Variants in BEGAIN observed in about 807,000 individuals in gnomAD.
BEGAIN encodes brain enriched guanylate kinase associated.
A neutral mutation model predicts 35.8 loss-of-function variants in BEGAIN; 19 were observed. The observed-to-expected ratio is 0.53, with a 90% CI of 0.37 to 0.78. The LOEUF is 0.78. Ranked by LOEUF, BEGAIN falls within the 30% of genes least tolerant of loss-of-function variation. The probability of loss-of-function intolerance (pLI) is 0.00; values close to 1 mark genes in which losing one functional copy is unlikely to be tolerated. For missense variants in BEGAIN, 795 were observed against 853.6 expected (o/e 0.93, Z 0.85); for synonymous variants, 462 against 388.6 (o/e 1.19, Z -2.22).
rs1011692720 is a variant in BEGAIN, at chr14:100,563,144, C to T, written c.71+4767G>A. 1.3e-5 allele frequency among the ~76,000 whole-genome samples: 2 copies of T among 152,214 alleles called. No individual in the cohort carries two copies. Among genetic ancestry groups the T allele is most frequent in the Non-Finnish European group, 2.9e-5 (2 of 68,038 alleles). On this transcript the variant is annotated intron_variant, in intron 2 of 6. Coordinates refer to ENST00000554140, the MANE Select transcript of BEGAIN (RefSeq NM_001385089.1). The surrounding 1 kb of genome is among the most constrained non-coding windows in gnomAD (Gnocchi z 4.2). ...CTGGCACTTCTGCAGAGTGTCTCAG[C>T]CTGGACAAGTGTCCGACATGGACAG...
chr14:100,568,490 G>C lies in BEGAIN; in HGVS notation c.43-551C>G. The stretch of plus-strand genomic sequence containing the variant: ...TTTGGAGCCTCGACTCCTCAATCAG[G>C]GACCCGCTGCCCTCAGATTCTGGGG... On this transcript the variant is annotated intron_variant, in intron 1 of 6. Coordinates refer to ENST00000554140, the MANE Select transcript of BEGAIN (RefSeq NM_001385089.1). The surrounding 1 kb of genome is among the most constrained non-coding windows in gnomAD (Gnocchi z 7.5). 7.8e-7 allele frequency: 1 copy of C among 1,286,312 alleles called. No homozygotes were observed. The highest frequency in any genetic ancestry group is 2.3e-5 in the Admixed American group (1 of 43,248). 79.7% of individuals were successfully genotyped at this position (1,286,312 alleles called of 1,614,324 possible).
chr14:100,544,525 A>G (rs1566962895), intron 4 of BEGAIN, among the ~76,000 whole-genome samples: 1 of 152,120 alleles, frequency 6.6e-6, no homozygotes, highest in Non-Finnish European at 1.5e-5. Context: ...CCTCTTCGAC[A>G]TGTCCCAGCA....
Position 100,537,978 on chromosome 14 carries a change from C to T in BEGAIN, c.1830G>A (p.Leu610=). ...GCCTGCACGCAGGCGCTCAGTTGAG[C>T]AAGGTTCCGTAGAGCTGGGCCTTGG... ...SLTKAQLYGT[L]LN Residue 610 remains leucine (L), a synonymous_variant, in exon 7 of 7, where the codon TTG becomes TTA. Coordinates refer to ENST00000554140, the MANE Select transcript of BEGAIN (RefSeq NM_001385089.1). The T allele has an allele frequency of 6.2e-7, 1 of 1,607,934 alleles. No individual in the cohort carries two copies. The highest frequency in any genetic ancestry group is 1.3e-5 in the African/African-American group (1 of 74,680).
chr14:100,567,956 G>C lies in BEGAIN; in HGVS notation c.43-17C>G, dbSNP rs1302578043. 6.9e-7 allele frequency: 1 copy of C among 1,450,968 alleles called. No homozygotes were observed. Among genetic ancestry groups the C allele is most frequent in the African/African-American group, 1.5e-5 (1 of 66,712 alleles). The allele number at this position is 1,450,968 out of a possible 1,614,324, so 89.9% of individuals were successfully genotyped here. A position where few individuals can be genotyped will look rare whatever the true frequency, so the allele number is the denominator to read the frequency against. On this transcript the variant is annotated splice_polypyrimidine_tract_variant and intron_variant, in intron 1 of 6. Coordinates refer to ENST00000554140, the MANE Select transcript of BEGAIN (RefSeq NM_001385089.1). This position sits in a 1 kb window ranked among gnomAD's most constrained non-coding sequence, Gnocchi z 5.1. Reference sequence around the variant, plus strand: ...GGCAGAGGCCTGCGAGAAACCAAACGAGAGGGTCAGCAGGCAGGAGGCGTG... The same window carrying C: ...GGCAGAGGCCTGCGAGAAACCAAACCAGAGGGTCAGCAGGCAGGAGGCGTG...
rs938947089 is a variant in BEGAIN at position 100,558,865 on chromosome 14, G to C, written c.71+9046C>G. 6.6e-6 allele frequency among the ~76,000 whole-genome samples: 1 copy of C among 152,180 alleles called. No homozygotes were observed. The highest frequency in any genetic ancestry group is 1.5e-5 in the Non-Finnish European group (1 of 68,036). On this transcript the variant is annotated intron_variant, in intron 2 of 6. Transcript: ENST00000554140. This position sits in a 1 kb window ranked among gnomAD's most constrained non-coding sequence, Gnocchi z 4.6. ...AGCCCGAGACCTCCTTGAAACCAAC[G>C]TCAGACCCATCCTTGGGGAGGTGGG...
At chr14:100,561,179 G>C (rs779014292) in intron 2 of BEGAIN, among the ~76,000 whole-genome samples, 1 of 152,152 alleles carries the variant, frequency 6.6e-6, no homozygotes, top group Non-Finnish European at 1.5e-5. Flanking sequence ...CCTAGGGTGC[G>C]GAAGAGCTGG....
intron 1 of BEGAIN, among the ~76,000 whole-genome samples, chr14:100,571,216 A>G (rs1595147683): frequency 6.6e-6 from 1 of 151,786 alleles, no homozygotes. Context: ...CCCAGCAGCC[A>G]CCTTTATCTT....
At chr14:100,581,657 C>T (rs1452567946) in intron 1 of BEGAIN, among the ~76,000 whole-genome samples, 2 of 152,216 alleles carry the variant, frequency 1.3e-5, no homozygotes, top group African/African-American at 4.8e-5. Context: ...TGCAGTGACC[C>T]GTCGGAGGTC....
chr14:100,538,624 G>A lies in BEGAIN; in HGVS notation c.1184C>T (p.Pro395Leu), dbSNP rs1349588120. 1 of 1,549,660 alleles carries A rather than the reference G, an allele frequency of 6.5e-7. No individual in the cohort carries two copies. Among genetic ancestry groups the A allele is most frequent in the East Asian group, 2.4e-5 (1 of 41,242 alleles). Reference sequence around the variant, plus strand: ...GGCCGGGAAGCGGAAGGTCTCGGCCGGGTACGGTGACATGGTCCGCCCGAA... The same window carrying A: ...GGCCGGGAAGCGGAAGGTCTCGGCCAGGTACGGTGACATGGTCCGCCCGAA... ...PGFGRTMSPYPAETFRFPASP... is the reference protein window; with the variant it reads ...PGFGRTMSPYLAETFRFPASP... The change falls in exon 7 of 7, where the codon CCG (proline) becomes CTG (leucine). Residue 395 changes from proline to leucine, a missense_variant. Transcript: ENST00000554140.
chr14:100,580,517 G>T (rs1246785933), intron 1 of BEGAIN, among the ~76,000 whole-genome samples: 1 of 151,926 alleles, frequency 6.6e-6, no homozygotes, highest in African/African-American at 2.4e-5. Flanking sequence ...CTTTGCACTT[G>T]CTTTCCCTCT....
rs2140412955 is a variant in BEGAIN at position 100,537,343 on chromosome 14, G to A, written c.*626C>T. 6.5e-6 allele frequency: 1 copy of A among 152,758 alleles called. No individual in the cohort carries two copies. Among genetic ancestry groups the A allele is most frequent in the Non-Finnish European group, 1.5e-5 (1 of 68,078 alleles). 9.5% of individuals were successfully genotyped at this position (152,758 alleles called of 1,614,324 possible). A position where few individuals can be genotyped will look rare whatever the true frequency, so the allele number is the denominator to read the frequency against. ...ACCGGCCGCACTGGGGCATCATCCC[G>A]GCCCACCCGGGACGATGGGCCGTGG... On this transcript the variant is annotated 3_prime_UTR_variant, in exon 7 of 7. Transcript: ENST00000554140.
chr14:100,538,430 G>A lies in BEGAIN; in HGVS notation c.1378C>T (p.Pro460Ser), dbSNP rs760976959. 6.3e-7 allele frequency: 1 copy of A among 1,587,816 alleles called. No homozygotes were observed. Among genetic ancestry groups the A allele is most frequent in the Non-Finnish European group, 8.5e-7 (1 of 1,169,628 alleles). The change falls in exon 7 of 7, where the codon CCC (proline) becomes TCC (serine). Residue 460 changes from proline (P) to serine (S), a missense_variant. Transcript: ENST00000554140. ...TAGTAGCGTTCAGAGAAGCTGCAGG[G>A]TGAGGCGCGGCCGGCAGCGCTCACG... ...YPVSAAGRAS[P>S]CSFSERYYGG...
chr14:100,557,931 C>T (rs1453262012), intron 2 of BEGAIN, among the ~76,000 whole-genome samples: 2 of 152,186 alleles, frequency 1.3e-5, no homozygotes, highest in Non-Finnish European at 2.9e-5. Context: ...CATGCCCCAC[C>T]TACCAGCATC....
chr14:100,540,256 C>T, intron 6 of BEGAIN: 1 of 541,556 alleles, frequency 1.8e-6, no homozygotes, highest in Admixed American at 3.1e-5. Flanking sequence ...GGGCAACCAG[C>T]AGCCGGGGTG....
In BEGAIN at chr14:100,573,423, C is replaced by T. The variant is rs1038089930; in HGVS notation, c.43-5484G>A. ...GGGAAGGAGCAGCTGGGGTGCGGGG[C>T]CTCGTGCACCCTCATCAGGACCTTG... On this transcript the variant is annotated intron_variant, in intron 1 of 6. Transcript: ENST00000554140. This position sits in a 1 kb window ranked among gnomAD's most constrained non-coding sequence, Gnocchi z 4.2. Among the ~76,000 whole-genome samples the T allele has an allele frequency of 2.0e-5, 3 of 152,172 alleles. No individual in the cohort carries two copies. The highest frequency in any genetic ancestry group is 7.2e-5 in the African/African-American group (3 of 41,514).
intron 2 of BEGAIN, among the ~76,000 whole-genome samples, chr14:100,552,002 C>T (rs112214917): frequency 0.012 from 1,765 of 152,222 alleles, 55 homozygotes; most frequent in African/African-American, 0.04. Flanking sequence ...TGAGTGCGTT[C>T]GCTCGAGGCT....
intron 2 of BEGAIN, among the ~76,000 whole-genome samples, chr14:100,562,059 A>T (rs897070813): frequency 6.6e-6 from 1 of 152,114 alleles, no homozygotes; most frequent in African/African-American, 2.4e-5. Context: ...ATTAGTCCAT[A>T]AGACTTCCTC....
intron 1 of BEGAIN, among the ~76,000 whole-genome samples, chr14:100,583,992 C>T (rs1204279072): frequency 1.3e-5 from 2 of 152,258 alleles, no homozygotes; most frequent in Non-Finnish European, 2.9e-5. Context: ...AGCCGCTGCG[C>T]CCAGCCTATC....
chr14:100,555,660 C>T (rs545131110), intron 2 of BEGAIN, among the ~76,000 whole-genome samples: 2 of 152,358 alleles, frequency 1.3e-5, no homozygotes, highest in Non-Finnish European at 2.9e-5. Context: ...CACTGAGATG[C>T]CAGATTTTAA....
Sources: gnomAD v4.1 joint callset for allele counts (sites outside exome capture counted in the v4.1 genomes callset) on GRCh38, gnomAD v4.1.1 for gene constraint, Gnocchi (gnomAD v3.1) non-coding constraint, MANE v1.5 for transcripts, NCBI Gene and HGNC (gene_info 2026-07-23, HGNC 2026-07-21) for gene names.